EEF1AKMT3: variants seen among roughly 807,000 people sequenced by gnomAD.
The protein encoded by EEF1AKMT3 is eEF1A-KMT3.
A neutral mutation model predicts 17.8 loss-of-function variants in EEF1AKMT3; 17 were observed. The ratio of observed to expected loss-of-function variants is 0.96; its 90% CI spans 0.65 to 1.43. The LOEUF (loss-of-function observed/expected upper bound fraction) is 1.43. Among genes scored for constraint, EEF1AKMT3 ranks in the 40% most tolerant of loss-of-function variants. The pLI is 0.00. For missense variants in EEF1AKMT3, 244 were observed against 285.8 expected, an observed-to-expected ratio of 0.85 and a Z score of 1.06; for synonymous variants, 116 against 126.5, an observed-to-expected ratio of 0.92 and a Z score of 0.56.
chr12:57,773,340 G>A (rs1164428247), intron 2 of EEF1AKMT3, among the ~76,000 whole-genome samples: 1 of 152,130 alleles, frequency 6.6e-6, no homozygotes, highest in African/African-American at 2.4e-5. Context: ...AGCACCTAGG[G>A]TGGGTGATTG....
intron 2 of EEF1AKMT3, among the ~76,000 whole-genome samples, chr12:57,779,632 G>T (rs1020116821): frequency 7.3e-5 from 11 of 150,760 alleles, no homozygotes; most frequent in Non-Finnish European, 1.6e-4. Context: ...CATGAATGAA[G>T]GTTTCTGAGA....
chr12:57,782,513 T>C lies in EEF1AKMT3; in HGVS notation c.*1867T>C, dbSNP rs966823728. ...AATGGATAATGAATATAAATGCGCA[T>C]TGAAAATAAACATAAAATGTTACCC... is the stretch of plus-strand genomic sequence containing the variant. On this transcript the variant is annotated 3_prime_UTR_variant, in exon 3 of 3. Coordinates refer to ENST00000300209, the MANE Select transcript of EEF1AKMT3 (RefSeq NM_015433.3). 8 of 440,846 alleles carry C rather than the reference T, an allele frequency of 1.8e-5. No individual in the cohort carries two copies. The highest frequency in any genetic ancestry group is 4.0e-5 in the Admixed American group (1 of 25,186). The allele number at this position is 440,846 out of a possible 1,614,324, so 27.3% of individuals were successfully genotyped here. A position where few individuals can be genotyped will look rare whatever the true frequency, so the allele number is the denominator to read the frequency against.
rs1435494442 is a variant in EEF1AKMT3, at chr12:57,780,347, G to A, written c.382G>A (p.Val128Met). ...ANVPAGGQAQ[V>M]RALSWGIDHH... ...TGTGCCAGCTGGAGGCCAGGCCCAG[G>A]TGCGTGCCTTGTCCTGGGGGATTGA... is the stretch of plus-strand genomic sequence containing the variant. Residue 128 changes from valine to methionine, a missense_variant, in exon 3 of 3, where the codon GTG (valine) becomes ATG (methionine). Val to Met is a conservative substitution (Grantham distance 21, BLOSUM62 1). Coordinates refer to ENST00000300209, the MANE Select transcript of EEF1AKMT3 (RefSeq NM_015433.3). The A allele has an allele frequency of 3.7e-6, 6 of 1,614,192 alleles. No homozygotes were observed. The highest frequency in any genetic ancestry group is 1.1e-5 in the South Asian group (1 of 91,090).
chr12:57,780,692 C>T lies in EEF1AKMT3; in HGVS notation c.*46C>T, dbSNP rs1190853968. 5.0e-6 allele frequency: 8 copies of T among 1,588,356 alleles called. No individual in the cohort carries two copies. The Admixed American group carries it at 1.4e-4, about 28-fold the overall frequency. ...TCAATCTCTTGCTCTAATGAAGGAA[C>T]TGTGTATCTCAAAAACCATATTTCC... On this transcript the variant is annotated 3_prime_UTR_variant, in exon 3 of 3. Coordinates refer to ENST00000300209, the MANE Select transcript of EEF1AKMT3 (RefSeq NM_015433.3).
intron 2 of EEF1AKMT3, among the ~76,000 whole-genome samples, chr12:57,774,074 T>C (rs1411772789): frequency 2.0e-5 from 3 of 152,210 alleles, no homozygotes; most frequent in African/African-American, 7.2e-5. Context: ...TATAATCTAA[T>C]GGGCAGAAAA....
intron 2 of EEF1AKMT3, among the ~76,000 whole-genome samples, chr12:57,776,464 T>C (rs1361749204): frequency 2.0e-5 from 3 of 152,214 alleles, no homozygotes; most frequent in African/African-American, 7.2e-5. Flanking sequence ...ATTTTAACTT[T>C]GTTACCATTG....
intron 2 of EEF1AKMT3, among the ~76,000 whole-genome samples, chr12:57,778,587 G>C (rs1435052786): frequency 6.6e-6 from 1 of 152,040 alleles, no homozygotes; most frequent in African/African-American, 2.4e-5. Flanking sequence ...GATTACAGGC[G>C]TGAGCCACTG....
intron 2 of EEF1AKMT3, among the ~76,000 whole-genome samples, chr12:57,775,105 CAAAAAAA>C (rs1019116260): frequency 3.0e-4 from 10 of 33,612 alleles, no homozygotes; most frequent in African/African-American, 8.1e-4. Flanking sequence ...AACGCCATCT[CAAAAAAA>C]AAAAAAAAAA....
chr12:57,780,513 G>C lies in EEF1AKMT3; in HGVS notation c.548G>C (p.Arg183Thr). Reference protein sequence around the residue: ...HGTIYLASKMRKEHGTESFFQ... With the variant: ...HGTIYLASKMTKEHGTESFFQ... Reference sequence around the variant, plus strand: ...ACCATCTATCTGGCCTCCAAGATGAGAAAGGAGCATGGGACAGAGAGCTTC... The same window carrying C: ...ACCATCTATCTGGCCTCCAAGATGACAAAGGAGCATGGGACAGAGAGCTTC... Residue 183 changes from arginine (R) to threonine (T), a missense_variant, in exon 3 of 3, where the codon AGA becomes ACA. Physicochemically the swap from Arg to Thr is moderately conservative, Grantham distance 71. Coordinates refer to ENST00000300209, the MANE Select transcript of EEF1AKMT3 (RefSeq NM_015433.3). The C allele has an allele frequency of 6.2e-7, 1 of 1,614,202 alleles. No individual in the cohort carries two copies. The highest frequency in any genetic ancestry group is 8.5e-7 in the Non-Finnish European group (1 of 1,180,028).
chr12:57,780,641 G>A lies in EEF1AKMT3; in HGVS notation c.676G>A (p.Ala226Thr), dbSNP rs2140410588. The change falls in exon 3 of 3, where the codon GCT (alanine) becomes ACT (threonine). Residue 226 changes from alanine to threonine, a missense_variant. Physicochemically the swap from Ala to Thr is moderately conservative, Grantham distance 58. Transcript: ENST00000300209. ...GGCCAGGCACAGGGAACCAAGACCTGCTTGACATCACCCTTGCTGTTCTTC... is the reference window on the plus strand; with the variant it reads ...GGCCAGGCACAGGGAACCAAGACCTACTTGACATCACCCTTGCTGTTCTTC... The part of the protein sequence containing the change: ...YRARHREPRP[A>T] The A allele has an allele frequency of 6.2e-7, 1 of 1,606,488 alleles. No homozygotes were observed. Among genetic ancestry groups the A allele is most frequent in the East Asian group, 2.2e-5 (1 of 44,886 alleles).
In EEF1AKMT3 at chr12:57,780,761, C is replaced by A; in HGVS notation, c.*115C>A. On this transcript the variant is annotated 3_prime_UTR_variant, in exon 3 of 3. Transcript: ENST00000300209. ...ACCAAAAAGGATGGATTTCCCTGGC[C>A]TCTCTCACTTTCCTCCTTCCCTCTT... is the stretch of plus-strand genomic sequence containing the variant. 7.3e-7 allele frequency: 1 copy of A among 1,375,280 alleles called. No individual in the cohort carries two copies. Among genetic ancestry groups the A allele is most frequent in the South Asian group, 1.3e-5 (1 of 74,892 alleles). The allele number at this position is 1,375,280 out of a possible 1,614,324, so 85.2% of individuals were successfully genotyped here. A position where few individuals can be genotyped will look rare whatever the true frequency, so the allele number is the denominator to read the frequency against.
rs756658149 is a variant in EEF1AKMT3 at position 57,780,470 on chromosome 12, C to G, written c.505C>G (p.Leu169Val). ...FPLLLGTLQH[L>V]CRPHGTIYLA... ...TCTGCTGCTGGGGACCCTCCAACAC[C>G]TGTGCAGGCCCCATGGCACCATCTA... is the stretch of plus-strand genomic sequence containing the variant. Residue 169 changes from leucine (L) to valine (V), a missense_variant, in exon 3 of 3, where the codon CTG (leucine) becomes GTG (valine). Coordinates refer to ENST00000300209, the MANE Select transcript of EEF1AKMT3 (RefSeq NM_015433.3). 6.2e-7 allele frequency: 1 copy of G among 1,614,220 alleles called. No individual in the cohort carries two copies. Among genetic ancestry groups the G allele is most frequent in the Non-Finnish European group, 8.5e-7 (1 of 1,180,036 alleles).
chr12:57,780,244 C>G lies in EEF1AKMT3; in HGVS notation c.290-11C>G. The G allele has an allele frequency of 6.2e-7, 1 of 1,607,082 alleles. No homozygotes were observed. The highest frequency in any genetic ancestry group is 8.5e-7 in the Non-Finnish European group (1 of 1,178,420). Reference sequence around the variant, plus strand: ...CTCTGACTTGCATTTTTCCTCCTTCCTCTCTCTCAGGGGGGGATGTTACCA... The same window carrying G: ...CTCTGACTTGCATTTTTCCTCCTTCGTCTCTCTCAGGGGGGGATGTTACCA... On this transcript the variant is annotated splice_polypyrimidine_tract_variant and intron_variant, in intron 2 of 2. Coordinates refer to ENST00000300209, the MANE Select transcript of EEF1AKMT3 (RefSeq NM_015433.3).
At chr12:57,776,638 C>CTTTATTTTAT (rs554240218) in intron 2 of EEF1AKMT3, among the ~76,000 whole-genome samples, 5 of 151,988 alleles carry the variant, frequency 3.3e-5, no homozygotes, top group African/African-American at 1.2e-4. Flanking sequence ...TTTCCTATCT[C>CTTTATTTTAT]TTTATTTTAT....
In EEF1AKMT3 at chr12:57,781,934, C is replaced by T. The variant is rs143072328; in HGVS notation, c.*1288C>T. ...CCTGTAGAAGCAAGAACAAGCTCCT[C>T]TGCTTGGTACTTAGTCTGTGTCCAT... On this transcript the variant is annotated 3_prime_UTR_variant, in exon 3 of 3. Coordinates refer to ENST00000300209, the MANE Select transcript of EEF1AKMT3 (RefSeq NM_015433.3). 33 of 152,330 alleles carry T rather than the reference C, an allele frequency of 2.2e-4. No homozygotes were observed. The highest frequency in any genetic ancestry group is 7.0e-4 in the African/African-American group (29 of 41,578). 9.4% of individuals were successfully genotyped at this position (152,330 alleles called of 1,614,324 possible). A position where few individuals can be genotyped will look rare whatever the true frequency, so the allele number is the denominator to read the frequency against.
At position 57,780,622 on chromosome 12, in the gene EEF1AKMT3, G is replaced by A. The variant is rs910241494; in HGVS notation, c.657G>A (p.Arg219=). 4 of 1,609,782 alleles carry A rather than the reference G, an allele frequency of 2.5e-6. No homozygotes were observed. Among genetic ancestry groups the A allele is most frequent in the Non-Finnish European group, 3.4e-6 (4 of 1,180,022 alleles). Residue 219 remains arginine (R), a synonymous_variant, in exon 3 of 3, where the codon AGG becomes AGA. Coordinates refer to ENST00000300209, the MANE Select transcript of EEF1AKMT3 (RefSeq NM_015433.3). ...AAAATGTCAACATCTATAGGGCCAGGCACAGGGAACCAAGACCTGCTTGAC... is the reference window on the plus strand; with the variant it reads ...AAAATGTCAACATCTATAGGGCCAGACACAGGGAACCAAGACCTGCTTGAC... ...EDENVNIYRA[R]HREPRPA
Position 57,780,302 on chromosome 12 carries a change from C to A in EEF1AKMT3, c.337C>A (p.Gln113Lys). Residue 113 changes from glutamine to lysine, a missense_variant, in exon 3 of 3, where the codon CAG becomes AAG. Transcript: ENST00000300209. Reference protein sequence around the residue: ...TDLPLALEQIQGNVQANVPAG... With the variant: ...TDLPLALEQIKGNVQANVPAG... The stretch of plus-strand genomic sequence containing the variant: ...CCTGCCCCTGGCCCTAGAACAGATC[C>A]AGGGCAACGTCCAGGCCAATGTGCC... The A allele has an allele frequency of 6.2e-7, 1 of 1,614,076 alleles. No homozygotes were observed. Among genetic ancestry groups the A allele is most frequent in the Non-Finnish European group, 8.5e-7 (1 of 1,180,016 alleles).
rs1180616083 is a variant in EEF1AKMT3, at chr12:57,780,678, C to T, written c.*32C>T. 1 of 1,599,292 alleles carries T rather than the reference C, an allele frequency of 6.3e-7. No homozygotes were observed. The highest frequency in any genetic ancestry group is 8.5e-7 in the Non-Finnish European group (1 of 1,179,368). Reference sequence around the variant, plus strand: ...CCTTGCTGTTCTTCTCAATCTCTTGCTCTAATGAAGGAACTGTGTATCTCA... The same window carrying T: ...CCTTGCTGTTCTTCTCAATCTCTTGTTCTAATGAAGGAACTGTGTATCTCA... On this transcript the variant is annotated 3_prime_UTR_variant, in exon 3 of 3. Transcript: ENST00000300209.
chr12:57,780,271 C>A lies in EEF1AKMT3; in HGVS notation c.306C>A (p.Ile102=), dbSNP rs1223447425. 3.1e-6 allele frequency: 5 copies of A among 1,613,358 alleles called. No homozygotes were observed. The South Asian group carries it at 5.5e-5, about 18-fold the overall frequency. ...CTCTCTCAGGGGGGGATGTTACCAT[C>A]ACTGACCTGCCCCTGGCCCTAGAAC... ...LAALQGGDVT[I]TDLPLALEQI... Residue 102 remains isoleucine, a synonymous_variant, in exon 3 of 3, where the codon ATC becomes ATA. Transcript: ENST00000300209.
Sources: allele counts gnomAD v4.1 joint callset (sites outside exome capture counted in the v4.1 genomes callset), GRCh38; gene constraint gnomAD v4.1.1; transcripts MANE v1.5; gene names NCBI Gene and HGNC (gene_info 2026-07-23, HGNC 2026-07-21).